Variants in OR2L13 observed in about 807,000 individuals in gnomAD.
OR2L13 encodes olfactory receptor family 2 subfamily L member 13, also known as olfactory receptor 2L13.
In OR2L13, 14 loss-of-function variants were observed where a neutral mutation model predicts 15.3. The ratio of observed to expected loss-of-function variants is 0.91; its 90% CI spans 0.60 to 1.43. The LOEUF (loss-of-function observed/expected upper bound fraction) is 1.43, where lower values mean the gene tolerates loss of function less well. Among genes scored for constraint, OR2L13 ranks in the 40% most tolerant of loss-of-function variants. OR2L13 has a pLI of 0.00. For missense variants in OR2L13, 367 were observed against 387.9 expected (o/e 0.95, Z 0.45); for synonymous variants, 152 against 142.9 (o/e 1.06, Z -0.45).
At chr1:247,947,636 C>T in the OR2L13 span, among the ~76,000 whole-genome samples, 18 of 152,224 alleles carry the variant, frequency 1.2e-4, no homozygotes, top group African/African-American at 4.1e-4. Flanking sequence ...AAGCAAAAGA[C>T]AAAATCTGTA....
At chr1:247,986,832 G>C in the OR2L13 span, among the ~76,000 whole-genome samples, 17 of 151,978 alleles carry the variant, frequency 1.1e-4, no homozygotes, top group Admixed American at 6.6e-4. Flanking sequence ...CTTCACGTCC[G>C]TTGTAAGTTG....
chr1:248,094,228 A>T (rs1405840832), upstream of OR2L13, among the ~76,000 whole-genome samples: 1 of 152,194 alleles, frequency 6.6e-6, no homozygotes, highest in African/African-American at 2.4e-5. Flanking sequence ...AAAAAATTAA[A>T]GGAAAAAAAC....
At chr1:248,075,585 G>A in the OR2L13 span, among the ~76,000 whole-genome samples, 1 of 152,172 alleles carries the variant, frequency 6.6e-6, no homozygotes, top group African/African-American at 2.4e-5. Context: ...GTTTTGATTT[G>A]CATTTCTCTG....
the OR2L13 span, among the ~76,000 whole-genome samples, chr1:248,033,206 T>C: frequency 6.6e-6 from 1 of 152,286 alleles, no homozygotes; most frequent in Non-Finnish European, 1.5e-5. Context: ...ACTTTTATGG[T>C]TTTAGCTCTT....
the OR2L13 span, among the ~76,000 whole-genome samples, chr1:247,953,064 C>G: frequency 6.6e-6 from 1 of 152,142 alleles, no homozygotes; most frequent in East Asian, 1.9e-4. Context: ...ACTCCTTTCC[C>G]CTTAAGGTCA....
chr1:248,041,580 G>A, the OR2L13 span: 3 of 152,066 alleles, frequency 2.0e-5, no homozygotes, highest in Non-Finnish European at 2.9e-5. Context: ...GCAACCTACA[G>A]AATGGGAGAA....
At chr1:247,965,427 T>G in the OR2L13 span, 1 of 1,613,520 alleles carries the variant, frequency 6.2e-7, no homozygotes. Flanking sequence ...TTGTTGGTCT[T>G]TTCCAATATG....
chr1:247,954,131 C>G, the OR2L13 span, among the ~76,000 whole-genome samples: 1 of 152,114 alleles, frequency 6.6e-6, no homozygotes. Flanking sequence ...GCAGAAAGCT[C>G]ACATAGGAGA....
chr1:248,092,196 C>A (rs1326839628), upstream of OR2L13, among the ~76,000 whole-genome samples: 1 of 152,082 alleles, frequency 6.6e-6, no homozygotes, highest in African/African-American at 2.4e-5. Context: ...TGGGGTTTTC[C>A]AGATATAGAA....
chr1:247,984,175 A>G, the OR2L13 span, among the ~76,000 whole-genome samples: 1 of 151,992 alleles, frequency 6.6e-6, no homozygotes, highest in Non-Finnish European at 1.5e-5. Flanking sequence ...TAAAGGATAT[A>G]TTTTTATTCC....
chr1:247,991,250 C>T, the OR2L13 span: 3 of 1,305,212 alleles, frequency 2.3e-6, no homozygotes, highest in Non-Finnish European at 3.3e-6. Flanking sequence ...TTCATATCAA[C>T]TCAGCAGTGT....
chr1:248,004,932 G>A, the OR2L13 span, among the ~76,000 whole-genome samples: 2 of 152,152 alleles, frequency 1.3e-5, no homozygotes, highest in Admixed American at 6.5e-5. Context: ...GATTCTGCAT[G>A]TTCTCACTCA....
At chr1:248,061,497 T>G in the OR2L13 span, 6 of 1,613,818 alleles carry the variant, frequency 3.7e-6, no homozygotes, top group Non-Finnish European at 5.1e-6. Context: ...AGGACAAGGT[T>G]CTGGCTGTCT....
At chr1:248,047,582 C>A in the OR2L13 span, among the ~76,000 whole-genome samples, 1 of 152,112 alleles carries the variant, frequency 6.6e-6, no homozygotes, top group Non-Finnish European at 1.5e-5. Flanking sequence ...CAACTTGATC[C>A]AAATTGTAGT....
At chr1:247,985,971 G>A in the OR2L13 span, among the ~76,000 whole-genome samples, 362 of 152,232 alleles carry the variant, frequency 2.4e-3, 1 homozygote, top group African/African-American at 7.6e-3. Context: ...GTTTTTTCTT[G>A]TAAATTAGTT....
chr1:247,961,491 G>T, the OR2L13 span, among the ~76,000 whole-genome samples: 1 of 152,182 alleles, frequency 6.6e-6, no homozygotes, highest in Non-Finnish European at 1.5e-5. Flanking sequence ...GTAAAGTAAG[G>T]TGCCCTTTGG....
the OR2L13 span, among the ~76,000 whole-genome samples, chr1:247,972,109 C>G: frequency 4.6e-5 from 7 of 152,180 alleles, no homozygotes; most frequent in African/African-American, 1.7e-4. Flanking sequence ...ATCTGGGACA[C>G]AGCTAAAGCG....
At chr1:248,003,650 A>T in the OR2L13 span, 19 of 1,611,862 alleles carry the variant, frequency 1.2e-5, no homozygotes, top group Non-Finnish European at 1.6e-5. Flanking sequence ...TAGGGTTATC[A>T]ATCATTTCTT....
the OR2L13 span, among the ~76,000 whole-genome samples, chr1:247,961,063 A>G: frequency 6.6e-6 from 1 of 152,198 alleles, no homozygotes; most frequent in African/African-American, 2.4e-5. Flanking sequence ...AGCTGTTCCT[A>G]TTCGGCCATC....
Sources: allele counts gnomAD v4.1 joint callset (sites outside exome capture counted in the v4.1 genomes callset), GRCh38; gene constraint gnomAD v4.1.1; transcripts MANE v1.5; gene names NCBI Gene and HGNC (gene_info 2026-07-23, HGNC 2026-07-21).